TMEM163: variants seen among roughly 807,000 people sequenced by gnomAD.
The protein encoded by TMEM163 is transmembrane protein 163.
In TMEM163, 17 loss-of-function variants were observed where a neutral mutation model predicts 29.3. The observed-to-expected ratio is 0.58, with a 90% CI of 0.40 to 0.87. The LOEUF (loss-of-function observed/expected upper bound fraction) is 0.87, where lower values mean the gene tolerates loss of function less well. TMEM163 is among the 40% of genes least tolerant of loss of function. TMEM163 has a pLI of 0.00. For synonymous variants in TMEM163, 157 were observed against 160.6 expected (o/e 0.98, Z 0.17); for missense variants, 303 against 381.5 (o/e 0.79, Z 1.71).
intron 2 of TMEM163, among the ~76,000 whole-genome samples, chr2:134,668,799 G>A (rs916982397): frequency 2.6e-5 from 4 of 151,938 alleles, no homozygotes; most frequent in African/African-American, 9.7e-5. Context: ...TCTACGAAGG[G>A]GACTAAGCAT....
intron 2 of TMEM163, among the ~76,000 whole-genome samples, chr2:134,577,612 C>T (rs1681588614): frequency 6.6e-6 from 1 of 152,258 alleles, no homozygotes; most frequent in East Asian, 1.9e-4. Flanking sequence ...GGAAAGGGAC[C>T]AGCCTCTCTC....
At chr2:134,675,533 C>T (rs926006554) in intron 2 of TMEM163, among the ~76,000 whole-genome samples, 12 of 151,770 alleles carry the variant, frequency 7.9e-5, no homozygotes, top group African/African-American at 2.2e-4. Context: ...CTCAAGGGAC[C>T]GATATGCTCA....
chr2:134,474,907 T>TC (rs1686881222), intron 5 of TMEM163, among the ~76,000 whole-genome samples: 1 of 152,080 alleles, frequency 6.6e-6, no homozygotes. Context: ...ACGTTAGTTC[T>TC]CCCCAAACCG....
chr2:134,547,428 G>C (rs1438133520), intron 4 of TMEM163, among the ~76,000 whole-genome samples: 1 of 152,070 alleles, frequency 6.6e-6, no homozygotes, highest in Non-Finnish European at 1.5e-5. Flanking sequence ...CCAAGGTTTT[G>C]GGTCCAGTTC....
intron 2 of TMEM163, among the ~76,000 whole-genome samples, chr2:134,651,356 C>G (rs1327900349): frequency 7.1e-6 from 1 of 141,430 alleles, no homozygotes; most frequent in Non-Finnish European, 1.5e-5. Flanking sequence ...TAAGAAGTGT[C>G]TGTTCATGTC....
chr2:134,534,754 AAAAATAAAAT>A (rs559265186), intron 4 of TMEM163, among the ~76,000 whole-genome samples: 8 of 152,184 alleles, frequency 5.3e-5, no homozygotes, highest in South Asian at 2.1e-4. Flanking sequence ...ACTCCATCTC[AAAAATAAAAT>A]AAAATAAAAT....
chr2:134,581,944 C>T (rs1311696803), intron 2 of TMEM163, among the ~76,000 whole-genome samples: 8 of 152,150 alleles, frequency 5.3e-5, no homozygotes, highest in African/African-American at 7.2e-5. Flanking sequence ...TCCTTCCTAA[C>T]GGTGTCATAA....
At chr2:134,493,272 A>G (rs1212649269) in intron 5 of TMEM163, among the ~76,000 whole-genome samples, 1 of 136,102 alleles carries the variant, frequency 7.3e-6, no homozygotes, top group Non-Finnish European at 1.5e-5. Flanking sequence ...CTATCTTGTC[A>G]TTTTCTTAGT....
chr2:134,537,687 C>A (rs1356398885), intron 4 of TMEM163, among the ~76,000 whole-genome samples: 1 of 152,148 alleles, frequency 6.6e-6, no homozygotes, highest in Non-Finnish European at 1.5e-5. Flanking sequence ...TCCATGTTTG[C>A]ATGTCAGTTA....
intron 2 of TMEM163, among the ~76,000 whole-genome samples, chr2:134,705,316 G>A (rs1236568163): frequency 6.6e-6 from 1 of 152,116 alleles, no homozygotes; most frequent in Non-Finnish European, 1.5e-5. Flanking sequence ...TTCAAGTGAG[G>A]TCATTAAGGT....
At chr2:134,701,424 G>A (rs1249744238) in intron 2 of TMEM163, among the ~76,000 whole-genome samples, 1 of 152,168 alleles carries the variant, frequency 6.6e-6, no homozygotes, top group Non-Finnish European at 1.5e-5. Context: ...GCAATAGGGA[G>A]GTTTGTTCAA....
At chr2:134,696,828 T>G (rs776958291) in intron 2 of TMEM163, among the ~76,000 whole-genome samples, 12 of 152,164 alleles carry the variant, frequency 7.9e-5, no homozygotes, top group South Asian at 2.1e-4. Context: ...CAGGCTAGAG[T>G]GCAGTGGCAT....
chr2:134,538,838 T>G lies in TMEM163; in HGVS notation c.458+11732A>C, dbSNP rs553408603. ...GGGGCTGGGCATGGGGAAGGAGACCTGGGAGGGGCTGGGTGGTGAAGGCTA... is the reference window on the plus strand; with the variant it reads ...GGGGCTGGGCATGGGGAAGGAGACCGGGGAGGGGCTGGGTGGTGAAGGCTA... On this transcript the variant is annotated intron_variant, in intron 4 of 7. Coordinates refer to ENST00000281924, the MANE Select transcript of TMEM163 (RefSeq NM_030923.5). Among the ~76,000 whole-genome samples the G allele has an allele frequency of 5.3e-5, 8 of 152,182 alleles. No individual in the cohort carries two copies. The South Asian group carries it at 1.7e-3, about 32-fold the overall frequency.
At chr2:134,678,483 G>A (rs1191345604) in intron 2 of TMEM163, among the ~76,000 whole-genome samples, 1 of 152,232 alleles carries the variant, frequency 6.6e-6, no homozygotes, top group East Asian at 1.9e-4. Flanking sequence ...AAATACAATT[G>A]TAGGGACTTT....
intron 2 of TMEM163, among the ~76,000 whole-genome samples, chr2:134,578,033 C>T (rs905289200): frequency 1.3e-5 from 2 of 152,016 alleles, no homozygotes; most frequent in African/African-American, 4.8e-5. Context: ...CAACCCCTCT[C>T]GGGTGCGGAG....
At chr2:134,579,825 G>C (rs1488678626) in intron 2 of TMEM163, among the ~76,000 whole-genome samples, 2 of 152,148 alleles carry the variant, frequency 1.3e-5, no homozygotes, top group African/African-American at 4.8e-5. Context: ...TAAAATATCA[G>C]TCACATAGTA....
chr2:134,546,157 A>T (rs557979271), intron 4 of TMEM163, among the ~76,000 whole-genome samples: 1 of 152,348 alleles, frequency 6.6e-6, no homozygotes, highest in South Asian at 2.1e-4. Context: ...AGGTTCCTCA[A>T]AAATTTTAAA....
At chr2:134,613,840 A>G (rs1029999997) in intron 2 of TMEM163, among the ~76,000 whole-genome samples, 7 of 152,302 alleles carry the variant, frequency 4.6e-5, no homozygotes, top group Non-Finnish European at 7.4e-5. Flanking sequence ...AAAAAGCCCT[A>G]ATAAATAACA....
intron 2 of TMEM163, among the ~76,000 whole-genome samples, chr2:134,665,810 A>C (rs1574323371): frequency 6.6e-6 from 1 of 152,140 alleles, no homozygotes. Context: ...CAGGTATAAC[A>C]CCACCAGCCT....
Sources: allele counts gnomAD v4.1 joint callset (sites outside exome capture counted in the v4.1 genomes callset), GRCh38; gene constraint gnomAD v4.1.1; transcripts MANE v1.5; gene names NCBI Gene and HGNC (gene_info 2026-07-23, HGNC 2026-07-21).